Variants in THY1 observed in about 807,000 individuals in gnomAD.
THY1 encodes Thy-1 cell surface antigen, also known as thy-1 membrane glycoprotein.
A neutral mutation model predicts 14.9 loss-of-function variants in THY1; 10 were observed. The ratio of observed to expected loss-of-function variants is 0.67; its 90% CI spans 0.41 to 1.14. The LOEUF (loss-of-function observed/expected upper bound fraction) is 1.14, where lower values mean the gene tolerates loss of function less well. Ranked by LOEUF, THY1 falls within the 50% of genes most tolerant of loss-of-function variation. THY1 has a pLI of 0.00. For synonymous variants in THY1, 80 were observed against 90.0 expected, an observed-to-expected ratio of 0.89 and a Z score of 0.63; for missense variants, 159 against 202.1, an observed-to-expected ratio of 0.79 and a Z score of 1.29.
In THY1 at chr11:119,422,627, A is replaced by ACCCAGTCC. The variant is rs1861930170; in HGVS notation, c.-25+478_-25+485dup. On this transcript the variant is annotated intron_variant, in intron 1 of 3. Coordinates refer to ENST00000284240, the MANE Select transcript of THY1 (RefSeq NM_006288.5). The surrounding 1 kb of genome is among the most constrained non-coding windows in gnomAD (Gnocchi z 7.0). ...CCCCTCCCCCGTCCGCCCGCCTTCC[A>ACCCAGTCC]CCCAGTCCCCGCCTGCGGCACTGCG... 6.6e-6 allele frequency: 1 copy of ACCCAGTCC among 150,542 alleles called. No homozygotes were observed. The highest frequency in any genetic ancestry group is 1.1e-4 in the South Asian group (1 of 8,862). The allele number at this position is 150,542 out of a possible 1,614,324, so 9.3% of individuals were successfully genotyped here. A position where few individuals can be genotyped will look rare whatever the true frequency, so the allele number is the denominator to read the frequency against.
Position 119,422,803 on chromosome 11 carries a change from T to C in THY1, c.-25+310A>G, listed in dbSNP as rs1861935348. 6.6e-6 allele frequency among the ~76,000 whole-genome samples: 1 copy of C among 152,114 alleles called. No individual in the cohort carries two copies. The highest frequency in any genetic ancestry group is 1.5e-5 in the Non-Finnish European group (1 of 68,018). On this transcript the variant is annotated intron_variant, in intron 1 of 3. Coordinates refer to ENST00000284240, the MANE Select transcript of THY1 (RefSeq NM_006288.5). This position sits in a 1 kb window ranked among gnomAD's most constrained non-coding sequence, Gnocchi z 7.0. ...TGGGTTTGGGGACGTCTGGGTGGAA[T>C]GTAGACCCACAGGCTGTCCTTGGTG... is the stretch of plus-strand genomic sequence containing the variant.
chr11:119,420,202 G>GT lies in THY1; in HGVS notation c.221dup (p.Tyr74Ter). ...TGCTGGTGAAGTTGGTTCGGGAGCG[G>GT]TATGTGTGCTCAGGCACCCCCACAG... ...FGTVGVPEHT[Y>*]RSRTNFTSKY... Residue 74 changes from tyrosine (Y) to a stop codon, truncating the protein, a stop_gained and frameshift_variant, in exon 3 of 4, where the codon TAC becomes TAAC. Transcript: ENST00000284240. LOFTEE classifies it high-confidence loss of function. The GT allele has an allele frequency of 6.2e-7, 1 of 1,614,254 alleles. No homozygotes were observed. Among genetic ancestry groups the GT allele is most frequent in the Non-Finnish European group, 8.5e-7 (1 of 1,180,052 alleles).
rs746203776 is a variant in THY1 at position 119,418,062 on chromosome 11, G to A, written c.*1346C>T. 2 of 152,358 alleles carry A rather than the reference G, an allele frequency of 1.3e-5. No individual in the cohort carries two copies. Among genetic ancestry groups the A allele is most frequent in the African/African-American group, 2.4e-5 (1 of 41,464 alleles). 9.4% of individuals were successfully genotyped at this position (152,358 alleles called of 1,614,324 possible). A position where few individuals can be genotyped will look rare whatever the true frequency, so the allele number is the denominator to read the frequency against. On this transcript the variant is annotated 3_prime_UTR_variant, in exon 4 of 4. Transcript: ENST00000284240. ...GGTAGCGTTGCTACTAAGTGGTTGG[G>A]GAGAAGTCAGGGAAGAGGAAGAGGT...
In THY1 at chr11:119,420,072, GGGA is replaced by G; in HGVS notation, c.349_351del (p.Ser117del). On this transcript the variant is annotated inframe_deletion, in exon 3 of 4. Transcript: ENST00000284240. Reference sequence around the variant, plus strand: ...TCACCTCTGAGCACTGTGACGTTCTGGGAGGAGATGGGTGGGGAATGGCCAGAG... The same window carrying G: ...TCACCTCTGAGCACTGTGACGTTCTGGGAGATGGGTGGGGAATGGCCAGAG... The G allele has an allele frequency of 6.2e-7, 1 of 1,613,700 alleles. No individual in the cohort carries two copies. Among genetic ancestry groups the G allele is most frequent in the Non-Finnish European group, 8.5e-7 (1 of 1,179,772 alleles).
intron 2 of THY1, 133 bp downstream of exon 2, chr11:119,420,736 G>T: frequency 1.8e-6 from 2 of 1,137,318 alleles, no homozygotes; most frequent in Non-Finnish European, 2.6e-6. Flanking sequence ...GCGGTGGATT[G>T]GCTGACTTCA....
chr11:119,420,610 C>T (rs1375126638), intron 2 of THY1: 1 of 628,754 alleles, frequency 1.6e-6, no homozygotes, highest in African/African-American at 1.8e-5. Flanking sequence ...GACAGGAGAT[C>T]TTAGGGAGTT....
At position 119,422,465 on chromosome 11, in the gene THY1, C is replaced by T. The variant is rs1342013807; in HGVS notation, c.-25+648G>A. The stretch of plus-strand genomic sequence containing the variant: ...TCCTCTGGTCTGTGTCCTCAGGCGG[C>T]TCCAGACCCAGAGAAGGTCTGCTCT... On this transcript the variant is annotated intron_variant, in intron 1 of 3. Transcript: ENST00000284240. The surrounding 1 kb of genome is among the most constrained non-coding windows in gnomAD (Gnocchi z 7.0). 2 of 161,932 alleles carry T rather than the reference C, an allele frequency of 1.2e-5. No individual in the cohort carries two copies. Among genetic ancestry groups the T allele is most frequent in the Non-Finnish European group, 2.7e-5 (2 of 74,540 alleles). The allele number at this position is 161,932 out of a possible 1,614,324, so 10.0% of individuals were successfully genotyped here. A position where few individuals can be genotyped will look rare whatever the true frequency, so the allele number is the denominator to read the frequency against.
Position 119,419,287 on chromosome 11 carries a change from G to A in THY1, c.*121C>T. The A allele has an allele frequency of 2.2e-6, 2 of 889,418 alleles. No individual in the cohort carries two copies. The highest frequency in any genetic ancestry group is 3.7e-6 in the Non-Finnish European group (2 of 543,718). The allele number at this position is 889,418 out of a possible 1,614,324, so 55.1% of individuals were successfully genotyped here. A position where few individuals can be genotyped will look rare whatever the true frequency, so the allele number is the denominator to read the frequency against. On this transcript the variant is annotated 3_prime_UTR_variant, in exon 4 of 4. Transcript: ENST00000284240. ...GCAGCACTGGAACTCCTGATGAGGGGTGGGGTCCCCACTTCTCCTCAAGGT... is the reference window on the plus strand; with the variant it reads ...GCAGCACTGGAACTCCTGATGAGGGATGGGGTCCCCACTTCTCCTCAAGGT...
In THY1 at chr11:119,416,142, C is replaced by A. The variant is rs1255882771; in HGVS notation, c.*3266G>T. Among the ~76,000 whole-genome samples, 1 of 152,170 alleles carries A rather than the reference C, an allele frequency of 6.6e-6. No homozygotes were observed. On this transcript the variant is annotated 3_prime_UTR_variant, in exon 4 of 4. Coordinates refer to ENST00000284240, the MANE Select transcript of THY1 (RefSeq NM_006288.5). ...TGCAGACATTGCGCGTCTCAGTGGA[C>A]AATCCAGTCCAGAAATGGGGGTGCA...
upstream of THY1, chr11:119,423,208 T>A (rs1324013815): frequency 7.2e-6 from 3 of 415,290 alleles, no homozygotes; most frequent in Non-Finnish European, 1.4e-5. Flanking sequence ...TCACCGGGGA[T>A]GGAGGAGAGG....
At chr11:119,423,922 A>C (rs920572437), upstream of THY1, 1 of 152,406 alleles carries the variant, frequency 6.6e-6, no homozygotes, top group Non-Finnish European at 1.5e-5. Context: ...TCTTCAGACC[A>C]GGAAGGGAGT....
chr11:119,419,211 G>A lies in THY1; in HGVS notation c.*197C>T, dbSNP rs2135433863. On this transcript the variant is annotated 3_prime_UTR_variant, in exon 4 of 4. Coordinates refer to ENST00000284240, the MANE Select transcript of THY1 (RefSeq NM_006288.5). ...CAAAAAGTACAAAAAGACAGCCAGA[G>A]GTGTGCGGAGAGGGTGAGGTGGCCG... is the stretch of plus-strand genomic sequence containing the variant. 3 of 653,194 alleles carry A rather than the reference G, an allele frequency of 4.6e-6. No homozygotes were observed. The highest frequency in any genetic ancestry group is 2.8e-5 in the East Asian group (1 of 35,240). The allele number at this position is 653,194 out of a possible 1,614,324, so 40.5% of individuals were successfully genotyped here. A position where few individuals can be genotyped will look rare whatever the true frequency, so the allele number is the denominator to read the frequency against.
At position 119,419,021 on chromosome 11, in the gene THY1, C is replaced by G. The variant is rs1392341413; in HGVS notation, c.*387G>C. 3.0e-6 allele frequency: 1 copy of G among 328,698 alleles called. No individual in the cohort carries two copies. The allele number at this position is 328,698 out of a possible 1,614,324, so 20.4% of individuals were successfully genotyped here. A position where few individuals can be genotyped will look rare whatever the true frequency, so the allele number is the denominator to read the frequency against. On this transcript the variant is annotated 3_prime_UTR_variant, in exon 4 of 4. Transcript: ENST00000284240. ...CAAGTCTCTCCCAGGTTTCTGGTCC[C>G]GATGGGCAAGGATGACCCCTCCAGT...
At chr11:119,421,165 T>C (rs1565326823) in intron 1 of THY1, 1 of 441,558 alleles carries the variant, frequency 2.3e-6, no homozygotes, top group Non-Finnish European at 4.0e-6. Flanking sequence ...CGCTTGGCCA[T>C]GGAGCACTTA....
chr11:119,420,785 C>A, intron 2 of THY1, 84 bp downstream of exon 2: 1 of 1,545,828 alleles, frequency 6.5e-7, no homozygotes, highest in Non-Finnish European at 8.9e-7. Flanking sequence ...CTGCGCTTTT[C>A]TGAGACTGTG....
In THY1 at chr11:119,418,758, GC is replaced by G. The variant is rs1347071112; in HGVS notation, c.*649del. ...CAAACCTGCATCTTCACTGGGTCAT[GC>G]CCCAAGGCCTCTGAGGGACTTCCAC... is the stretch of plus-strand genomic sequence containing the variant. On this transcript the variant is annotated 3_prime_UTR_variant, in exon 4 of 4. Coordinates refer to ENST00000284240, the MANE Select transcript of THY1 (RefSeq NM_006288.5). 1 of 154,798 alleles carries G rather than the reference GC, an allele frequency of 6.5e-6. No homozygotes were observed. The highest frequency in any genetic ancestry group is 1.4e-5 in the Non-Finnish European group (1 of 69,818). 9.6% of individuals were successfully genotyped at this position (154,798 alleles called of 1,614,324 possible).
chr11:119,421,774 G>A (rs1861905457), intron 1 of THY1: 1 of 152,188 alleles, frequency 6.6e-6, no homozygotes, highest in Admixed American at 6.5e-5. Flanking sequence ...TTCCTATCTG[G>A]ATAGGACACA....
In THY1 at chr11:119,422,966, G is replaced by T. The variant is rs1247007470; in HGVS notation, c.-25+147C>A. ...GCAGAAGCATCCCCCTCCCGCCCCT[G>T]CCTGGAAAGCAGGCCCCTCCCTAAG... is the stretch of plus-strand genomic sequence containing the variant. On this transcript the variant is annotated intron_variant, in intron 1 of 3. Coordinates refer to ENST00000284240, the MANE Select transcript of THY1 (RefSeq NM_006288.5). This position sits in a 1 kb window ranked among gnomAD's most constrained non-coding sequence, Gnocchi z 7.0. The T allele has an allele frequency of 4.6e-6, 2 of 438,642 alleles. No individual in the cohort carries two copies. Among genetic ancestry groups the T allele is most frequent in the Non-Finnish European group, 9.2e-6 (2 of 216,752 alleles). 27.2% of individuals were successfully genotyped at this position (438,642 alleles called of 1,614,324 possible). A position where few individuals can be genotyped will look rare whatever the true frequency, so the allele number is the denominator to read the frequency against.
chr11:119,420,008 T>C (rs1213741422), intron 3 of THY1, 43 bp downstream of exon 3: 3 of 1,575,844 alleles, frequency 1.9e-6, no homozygotes, highest in East Asian at 4.5e-5. Flanking sequence ...TCCCCGAGCC[T>C]GGCTCTCCCA....
Sources: allele counts gnomAD v4.1 joint callset (sites outside exome capture counted in the v4.1 genomes callset), GRCh38; gene constraint gnomAD v4.1.1; non-coding constraint Gnocchi (gnomAD v3.1); transcripts MANE v1.5; gene names NCBI Gene and HGNC (gene_info 2026-07-23, HGNC 2026-07-21).